Variants in PDE4B observed in about 807,000 individuals in gnomAD.
The protein encoded by PDE4B is 3',5'-cyclic-AMP phosphodiesterase 4B.
PDE4B carries 20 observed loss-of-function variants against 82.2 expected under a neutral mutation model. That is an observed-to-expected ratio of 0.24 (90% CI 0.17 to 0.35). PDE4B has a LOEUF of 0.35. PDE4B is among the 10% of genes least tolerant of loss of function. The pLI is 1.00. For synonymous variants in PDE4B, 320 were observed against 318.9 expected, an observed-to-expected ratio of 1.00 and a Z score of -0.04; for missense variants, 655 against 907.2, an observed-to-expected ratio of 0.72 and a Z score of 3.57.
At chr1:65,991,726 G>A (rs941747916) in intron 3 of PDE4B, among the ~76,000 whole-genome samples, 29 of 151,930 alleles carry the variant, frequency 1.9e-4, no homozygotes, top group African/African-American at 7.0e-4. Context: ...TTTTGGACTC[G>A]CCTGTCCGTA....
chr1:66,296,617 T>A (rs766493354), intron 7 of PDE4B, among the ~76,000 whole-genome samples: 5 of 152,096 alleles, frequency 3.3e-5, no homozygotes, highest in Non-Finnish European at 7.4e-5. Context: ...GTGGCTGTGG[T>A]TAGGATTGTG....
Position 66,308,685 on chromosome 1 carries a change from G to T in PDE4B, c.635-23823G>T, listed in dbSNP as rs1440306017. Among the ~76,000 whole-genome samples the T allele has an allele frequency of 2.0e-5, 3 of 152,238 alleles. No individual in the cohort carries two copies. The East Asian group carries it at 5.8e-4, about 29-fold the overall frequency. On this transcript the variant is annotated intron_variant, in intron 7 of 16. Coordinates refer to ENST00000341517, the MANE Select transcript of PDE4B (RefSeq NM_002600.4). ...ATTCCTGTTGTTTCATGCTACAGTTGTTCCAGTAGATTTAACCACTAATAT... is the reference window on the plus strand; with the variant it reads ...ATTCCTGTTGTTTCATGCTACAGTTTTTCCAGTAGATTTAACCACTAATAT...
At position 66,352,333 on chromosome 1, in the gene PDE4B, A is replaced by T. The variant is rs117207169; in HGVS notation, c.748-3194A>T. Among the ~76,000 whole-genome samples the T allele has an allele frequency of 1.3e-4, 20 of 152,288 alleles. No homozygotes were observed. The East Asian group carries it at 2.9e-3, about 22-fold the overall frequency. On this transcript the variant is annotated intron_variant, in intron 8 of 16. Transcript: ENST00000341517. Reference sequence around the variant, plus strand: ...GGAGGAAGGTGATATTCATCTGTTAATGACTTGCATGAGTACACTGATCCC... The same window carrying T: ...GGAGGAAGGTGATATTCATCTGTTATTGACTTGCATGAGTACACTGATCCC...
chr1:66,070,804 G>T (rs1328514626), intron 3 of PDE4B, among the ~76,000 whole-genome samples: 1 of 151,738 alleles, frequency 6.6e-6, no homozygotes, highest in Non-Finnish European at 1.5e-5. Context: ...TTTAGTTTGT[G>T]GTTTATTTTT....
chr1:66,289,870 G>A (rs1656947375), intron 7 of PDE4B, among the ~76,000 whole-genome samples: 1 of 152,118 alleles, frequency 6.6e-6, no homozygotes. Context: ...GTGGACCGAT[G>A]TGTAATATAT....
intron 7 of PDE4B, among the ~76,000 whole-genome samples, chr1:66,319,275 C>T (rs1407798583): frequency 6.6e-6 from 1 of 152,182 alleles, no homozygotes; most frequent in Admixed American, 6.5e-5. Flanking sequence ...TCACCCAGCA[C>T]CTTCACTCTC....
At chr1:66,049,923 A>T (rs889632640) in intron 3 of PDE4B, among the ~76,000 whole-genome samples, 21 of 152,046 alleles carry the variant, frequency 1.4e-4, no homozygotes, top group Non-Finnish European at 2.8e-4. Flanking sequence ...TTTCCCACAC[A>T]ACTGCTAGGA....
At chr1:65,812,902 A>C (rs913947663) in intron 1 of PDE4B, among the ~76,000 whole-genome samples, 1 of 152,184 alleles carries the variant, frequency 6.6e-6, no homozygotes, top group Non-Finnish European at 1.5e-5. Context: ...ACTGCTTTCT[A>C]AGGGTCCTAG....
chr1:66,205,665 A>G (rs1242307739), intron 3 of PDE4B, among the ~76,000 whole-genome samples: 1 of 152,206 alleles, frequency 6.6e-6, no homozygotes, highest in Non-Finnish European at 1.5e-5. Context: ...CTTACAACAC[A>G]CTTTCATAGA....
At chr1:66,284,263 T>C (rs1656507324) in intron 7 of PDE4B, among the ~76,000 whole-genome samples, 1 of 152,022 alleles carries the variant, frequency 6.6e-6, no homozygotes, top group African/African-American at 2.4e-5. Flanking sequence ...AAAATTAGTA[T>C]TTCCCATAGC....
At chr1:65,847,485 T>G (rs931146763) in intron 1 of PDE4B, among the ~76,000 whole-genome samples, 35 of 152,212 alleles carry the variant, frequency 2.3e-4, no homozygotes, top group African/African-American at 8.4e-4. Flanking sequence ...CAGATCTTTA[T>G]TTAATACAAG....
At chr1:66,049,029 T>C (rs1654873679) in intron 3 of PDE4B, 1 of 152,028 alleles carries the variant, frequency 6.6e-6, no homozygotes, top group Non-Finnish European at 1.5e-5. Context: ...AACTTGGTGC[T>C]TTTACATCTA....
chr1:65,940,166 G>A (rs770359780), intron 3 of PDE4B, among the ~76,000 whole-genome samples: 62 of 152,212 alleles, frequency 4.1e-4, no homozygotes, highest in Non-Finnish European at 7.9e-4. Context: ...AATAATAAAT[G>A]GCAGTTATTG....
intron 3 of PDE4B, among the ~76,000 whole-genome samples, chr1:66,020,237 A>G (rs1653014971): frequency 6.6e-6 from 1 of 152,196 alleles, no homozygotes; most frequent in Non-Finnish European, 1.5e-5. Flanking sequence ...TGATTAAGGC[A>G]GGTGTCTGGC....
chr1:65,989,644 A>G (rs929038761), intron 3 of PDE4B, among the ~76,000 whole-genome samples: 8 of 152,214 alleles, frequency 5.3e-5, no homozygotes, highest in African/African-American at 1.9e-4. Context: ...GCCAAGGGCT[A>G]AGGGTTATAC....
At chr1:65,835,742 A>G (rs1441864860) in intron 1 of PDE4B, among the ~76,000 whole-genome samples, 1 of 152,112 alleles carries the variant, frequency 6.6e-6, no homozygotes, top group Non-Finnish European at 1.5e-5. Context: ...AGCTGTCTAC[A>G]TGTTAGGTCT....
intron 1 of PDE4B, among the ~76,000 whole-genome samples, chr1:65,800,879 A>G (rs1339406226): frequency 6.6e-6 from 1 of 152,238 alleles, no homozygotes; most frequent in Non-Finnish European, 1.5e-5. Flanking sequence ...AACGGTCATG[A>G]TGCAAATATG....
chr1:66,006,704 A>C (rs1250377122), intron 3 of PDE4B, among the ~76,000 whole-genome samples: 1 of 152,006 alleles, frequency 6.6e-6, no homozygotes, highest in Non-Finnish European at 1.5e-5. Flanking sequence ...TTCTCATGAT[A>C]GTGGGTGAGT....
intron 1 of PDE4B, among the ~76,000 whole-genome samples, chr1:65,796,646 CTTTTTTTTT>C (rs71058429): frequency 2.6e-5 from 2 of 76,334 alleles, no homozygotes; most frequent in Non-Finnish European, 4.8e-5. Context: ...CTTGCTGAAA[CTTTTTTTTT>C]TTTTTTTTTT....
Sources: allele counts gnomAD v4.1 joint callset (sites outside exome capture counted in the v4.1 genomes callset), GRCh38; gene constraint gnomAD v4.1.1; transcripts MANE v1.5; gene names NCBI Gene and HGNC (gene_info 2026-07-23, HGNC 2026-07-21).